Variants in THSD7B observed in about 807,000 individuals in gnomAD.
The protein encoded by THSD7B is thrombospondin type-1 domain-containing protein 7B.
In THSD7B, 138 loss-of-function variants were observed where a neutral mutation model predicts 213.6. The ratio of observed to expected loss-of-function variants is 0.65; its 90% CI spans 0.56 to 0.74. The LOEUF is 0.74. Among genes scored for constraint, THSD7B ranks in the 30% least tolerant of loss-of-function variants. The pLI is 0.00. For missense variants in THSD7B, 1,931 were observed against 1,991.5 expected (o/e 0.97, Z 0.58); for synonymous variants, 742 against 687.0 (o/e 1.08, Z -1.25).
rs528825588 is a variant in THSD7B, at chr2:137,623,055, T to C, written c.3799+2329T>C. 2.0e-5 allele frequency among the ~76,000 whole-genome samples: 3 copies of C among 152,326 alleles called. No individual in the cohort carries two copies. The South Asian group carries it at 6.2e-4, about 32-fold the overall frequency. Reference sequence around the variant, plus strand: ...GAGAATTTTAGACCAATATCCTTGATGAACATCGATGCAAAAATCCTCAAT... The same window carrying C: ...GAGAATTTTAGACCAATATCCTTGACGAACATCGATGCAAAAATCCTCAAT... On this transcript the variant is annotated intron_variant, in intron 20 of 27. Coordinates refer to ENST00000409968, the MANE Select transcript of THSD7B (RefSeq NM_001316349.2).
intron 1 of THSD7B, among the ~76,000 whole-genome samples, chr2:136,834,978 C>T (rs1422898630): frequency 6.6e-6 from 1 of 152,086 alleles, no homozygotes; most frequent in Non-Finnish European, 1.5e-5. Context: ...GAGAGAGGTC[C>T]TACTGTGTAT....
intron 12 of THSD7B, among the ~76,000 whole-genome samples, chr2:137,349,104 A>G (rs1466636735): frequency 1.3e-5 from 2 of 151,634 alleles, no homozygotes; most frequent in Non-Finnish European, 3.0e-5. Context: ...GATTTTTGCC[A>G]TATTTTGTCC....
At chr2:137,348,720 T>G (rs1247446044) in intron 12 of THSD7B, among the ~76,000 whole-genome samples, 2 of 149,832 alleles carry the variant, frequency 1.3e-5, no homozygotes, top group African/African-American at 4.9e-5. Flanking sequence ...TTTTTTTTTT[T>G]TTTTGTTCCT....
At chr2:136,821,470 C>T (rs1244909627) in intron 1 of THSD7B, among the ~76,000 whole-genome samples, 1 of 152,188 alleles carries the variant, frequency 6.6e-6, no homozygotes, top group Non-Finnish European at 1.5e-5. Context: ...CTTCCCCTTC[C>T]CTCTCTCTCC....
intron 1 of THSD7B, among the ~76,000 whole-genome samples, chr2:136,858,645 A>G (rs1683212259): frequency 6.6e-6 from 1 of 152,224 alleles, no homozygotes. Context: ...CATAAGTCCA[A>G]GCCATTTGTT....
At chr2:137,390,138 G>A (rs1236702292) in intron 12 of THSD7B, among the ~76,000 whole-genome samples, 1 of 152,142 alleles carries the variant, frequency 6.6e-6, no homozygotes, top group Non-Finnish European at 1.5e-5. Context: ...GATTGCTTTG[G>A]GTAGTGTGGT....
Position 137,664,521 on chromosome 2 carries a change from T to C in THSD7B, c.4651+946T>C, listed in dbSNP as rs116543948. 2.8e-3 allele frequency among the ~76,000 whole-genome samples: 431 copies of C among 152,328 alleles called. 2 individuals are homozygous for C. The highest frequency in any genetic ancestry group is 9.8e-3 in the African/African-American group (408 of 41,574). On this transcript the variant is annotated intron_variant, in intron 26 of 27. Coordinates refer to ENST00000409968, the MANE Select transcript of THSD7B (RefSeq NM_001316349.2). ...AATCGACTCTTACTAAGTGCAGGAATGGACATTTATTAGATGCTTTCTGTG... is the reference window on the plus strand; with the variant it reads ...AATCGACTCTTACTAAGTGCAGGAACGGACATTTATTAGATGCTTTCTGTG...
At chr2:137,469,480 T>A (rs1360844271) in intron 15 of THSD7B, among the ~76,000 whole-genome samples, 3 of 152,198 alleles carry the variant, frequency 2.0e-5, no homozygotes, top group Non-Finnish European at 4.4e-5. Context: ...TTATATAATT[T>A]ATATCATTTA....
chr2:137,676,196 G>GTGA (rs745760070), intron 27 of THSD7B, among the ~76,000 whole-genome samples: 19 of 152,180 alleles, frequency 1.2e-4, no homozygotes, highest in Non-Finnish European at 2.8e-4. Flanking sequence ...TTGAGCATCT[G>GTGA]TGATGTGAAG....
rs558603415 is a variant in THSD7B, at chr2:136,914,087, T to C, written c.139+31770T>C. Among the ~76,000 whole-genome samples, 109 of 152,300 alleles carry C rather than the reference T, an allele frequency of 7.2e-4. 1 individual carries two copies. Among genetic ancestry groups the C allele is most frequent in the Non-Finnish European group, 5.4e-4 (37 of 68,026 alleles). On this transcript the variant is annotated intron_variant, in intron 2 of 27. Transcript: ENST00000409968. ...ACTGGGGTGGAGCTGCCCAAGACCATGGGAACCCACCTCTTGCATCAGCGT... is the reference window on the plus strand; with the variant it reads ...ACTGGGGTGGAGCTGCCCAAGACCACGGGAACCCACCTCTTGCATCAGCGT...
rs1258673224 is a variant in THSD7B at position 137,095,142 on chromosome 2, C to T, written c.1199+21C>T. The T allele has an allele frequency of 3.1e-6, 5 of 1,610,376 alleles. No individual in the cohort carries two copies. In the African/African-American group the frequency reaches 5.4e-5, roughly 17 times the overall value. ...CCCAGGTATTACGCCTTTATGCCTT[C>T]TTTAGTGTGAAGGAGGCATAATTTA... On this transcript the variant is annotated intron_variant, in intron 4 of 27. Transcript: ENST00000409968.
At chr2:136,825,006 TCTGGTTTATTTTCTAATTGACTC>T (rs1182945675) in intron 1 of THSD7B, among the ~76,000 whole-genome samples, 1 of 152,252 alleles carries the variant, frequency 6.6e-6, no homozygotes, top group African/African-American at 2.4e-5. Flanking sequence ...ATATTAGGTT[TCTGGTTTATTTTCTAATTGACTC>T]CTGTCAAATA....
intron 21 of THSD7B, among the ~76,000 whole-genome samples, chr2:137,651,261 G>A (rs527260495): frequency 3.3e-5 from 5 of 151,854 alleles, no homozygotes; most frequent in East Asian, 3.9e-4. Context: ...CTTGTTACTC[G>A]TTTGTTGCCA....
chr2:137,358,861 G>T (rs4594503), intron 12 of THSD7B, among the ~76,000 whole-genome samples: 138,807 of 152,202 alleles, frequency 0.91, 63,973 homozygotes, highest in Non-Finnish European at 0.99. Flanking sequence ...ACCTGGGTTT[G>T]GATGTTCACA....
chr2:137,570,908 A>G (rs891821936), intron 16 of THSD7B, among the ~76,000 whole-genome samples: 1 of 152,224 alleles, frequency 6.6e-6, no homozygotes, highest in South Asian at 2.1e-4. Context: ...AACAGCTAGC[A>G]AAAGATATTT....
intron 1 of THSD7B, among the ~76,000 whole-genome samples, chr2:136,782,618 G>A (rs906207905): frequency 2.0e-4 from 30 of 152,058 alleles, no homozygotes; most frequent in Admixed American, 1.3e-3. Flanking sequence ...TGAGGCTGGG[G>A]TGGTTGGGGG....
At chr2:137,314,199 C>T (rs1684016960) in intron 12 of THSD7B, among the ~76,000 whole-genome samples, 1 of 152,070 alleles carries the variant, frequency 6.6e-6, no homozygotes, top group Non-Finnish European at 1.5e-5. Flanking sequence ...GGAGGCTTTG[C>T]TCATTTCTTT....
At chr2:137,586,166 T>G (rs1681721701) in intron 17 of THSD7B, among the ~76,000 whole-genome samples, 2 of 152,180 alleles carry the variant, frequency 1.3e-5, no homozygotes, top group South Asian at 4.1e-4. Context: ...ACCCCTGCCT[T>G]TTTTTGTTTT....
chr2:136,936,326 AC>A (rs1684727313), intron 2 of THSD7B, among the ~76,000 whole-genome samples: 2 of 152,154 alleles, frequency 1.3e-5, no homozygotes, highest in African/African-American at 4.8e-5. Flanking sequence ...CTGGGTACCC[AC>A]CCAGAAGAAA....
Sources: allele counts gnomAD v4.1 joint callset (sites outside exome capture counted in the v4.1 genomes callset), GRCh38; gene constraint gnomAD v4.1.1; transcripts MANE v1.5; gene names NCBI Gene and HGNC (gene_info 2026-07-23, HGNC 2026-07-21).